The following PXDNL variants were observed in gnomAD, a reference collection of about 807,000 sequenced individuals.
PXDNL encodes peroxidasin like.
PXDNL carries 145 observed loss-of-function variants against 150.8 expected under a neutral mutation model. The ratio of observed to expected loss-of-function variants is 0.96; its 90% CI spans 0.84 to 1.10. The LOEUF (loss-of-function observed/expected upper bound fraction) is 1.10. Among genes scored for constraint, PXDNL ranks in the 50% least tolerant of loss-of-function variants. PXDNL has a pLI of 0.00. For missense variants in PXDNL, 2,087 were observed against 1,873.9 expected (o/e 1.11, Z -2.10); for synonymous variants, 757 against 725.7 (o/e 1.04, Z -0.69).
chr8:51,688,663 C>A (rs1815925666), intron 1 of PXDNL, among the ~76,000 whole-genome samples: 1 of 152,042 alleles, frequency 6.6e-6, no homozygotes, highest in South Asian at 2.1e-4. Flanking sequence ...TTGCAGTTCC[C>A]ATCCTGATGG....
At chr8:51,761,025 A>ATTT (rs71237238) in intron 1 of PXDNL, among the ~76,000 whole-genome samples, 5,831 of 114,342 alleles carry the variant, frequency 0.051, 186 homozygotes, top group Non-Finnish European at 0.072. Context: ...CGCCCGGCTA[A>ATTT]TTTTTTTTTT....
At chr8:51,807,827 C>T (rs2037693688) in intron 1 of PXDNL, among the ~76,000 whole-genome samples, 1 of 152,146 alleles carries the variant, frequency 6.6e-6, no homozygotes, top group Non-Finnish European at 1.5e-5. Context: ...CAAGATACTT[C>T]ATTAGACAAG....
chr8:51,696,733 AGG>A (rs1816143213), intron 1 of PXDNL, among the ~76,000 whole-genome samples: 1 of 152,116 alleles, frequency 6.6e-6, no homozygotes, highest in South Asian at 2.1e-4. Flanking sequence ...ATCCACACAC[AGG>A]TCCACACACA....
intron 1 of PXDNL, among the ~76,000 whole-genome samples, chr8:51,796,702 A>G (rs935043529): frequency 6.6e-6 from 1 of 152,232 alleles, no homozygotes; most frequent in Non-Finnish European, 1.5e-5. Context: ...AACAAAAAAA[A>G]GCCCAGGACC....
In PXDNL at chr8:51,460,722, G is replaced by C. The variant is rs143136447; in HGVS notation, c.813-3055C>G. 1.8e-3 allele frequency among the ~76,000 whole-genome samples: 281 copies of C among 152,050 alleles called. 9 individuals are homozygous for C. The East Asian group carries it at 0.046, about 25-fold the overall frequency. On this transcript the variant is annotated intron_variant, in intron 8 of 22. Coordinates refer to ENST00000356297, the MANE Select transcript of PXDNL (RefSeq NM_144651.5). Reference sequence around the variant, plus strand: ...GACCTCTGGGATCCTAGCTGCAAGAGATCCCACGACCCCCATAGACATTTT... The same window carrying C: ...GACCTCTGGGATCCTAGCTGCAAGACATCCCACGACCCCCATAGACATTTT...
intron 1 of PXDNL, among the ~76,000 whole-genome samples, chr8:51,747,242 G>GAC (rs1198360561): frequency 6.6e-6 from 1 of 152,182 alleles, no homozygotes; most frequent in Non-Finnish European, 1.5e-5. Context: ...GGGTACCACA[G>GAC]ACACACACAC....
At chr8:51,678,595 T>G (rs1334662627) in intron 1 of PXDNL, among the ~76,000 whole-genome samples, 7 of 150,032 alleles carry the variant, frequency 4.7e-5, no homozygotes, top group Non-Finnish European at 1.0e-4. Context: ...GAAATCATCA[T>G]TCTCAGTAAA....
chr8:51,801,783 A>G (rs1477858782), intron 1 of PXDNL, among the ~76,000 whole-genome samples: 4 of 152,220 alleles, frequency 2.6e-5, no homozygotes, highest in Non-Finnish European at 1.5e-5. Context: ...ACTGGTAGGC[A>G]CTAATTTAAT....
chr8:51,385,804 T>G (rs975634527), intron 17 of PXDNL, among the ~76,000 whole-genome samples: 2 of 152,136 alleles, frequency 1.3e-5, no homozygotes, highest in African/African-American at 2.4e-5. Context: ...GAGCTAATGG[T>G]TTTATAAGGG....
chr8:51,782,143 C>A (rs2037421268), intron 1 of PXDNL, among the ~76,000 whole-genome samples: 1 of 152,126 alleles, frequency 6.6e-6, no homozygotes, highest in Admixed American at 6.5e-5. Flanking sequence ...GAGTGCCCAC[C>A]CACAGCCTCC....
intron 13 of PXDNL, 132 bp from the exon 14 acceptor site, chr8:51,423,863 G>T: frequency 1.4e-6 from 1 of 694,740 alleles, no homozygotes; most frequent in Non-Finnish European, 2.2e-6. Context: ...AGTACTGGAG[G>T]AGATACATGA....
chr8:51,450,135 G>A (rs774843844), intron 10 of PXDNL, among the ~76,000 whole-genome samples: 6 of 152,172 alleles, frequency 3.9e-5, no homozygotes, highest in Non-Finnish European at 8.8e-5. Context: ...ACATTGCCAT[G>A]GCATTTGTAA....
At chr8:51,744,757 A>C (rs922565961) in intron 1 of PXDNL, among the ~76,000 whole-genome samples, 1 of 10,346 alleles carries the variant, frequency 9.7e-5, no homozygotes, top group African/African-American at 1.1e-4. Context: ...GAAAAGAGAG[A>C]GAAAGAAGGA....
intron 2 of PXDNL, among the ~76,000 whole-genome samples, chr8:51,652,468 C>CAT (rs1815063239): frequency 2.0e-5 from 3 of 151,690 alleles, no homozygotes; most frequent in Non-Finnish European, 4.4e-5. Flanking sequence ...CACAAACACA[C>CAT]ACACACACAC....
intron 2 of PXDNL, among the ~76,000 whole-genome samples, chr8:51,597,226 C>T (rs983026003): frequency 5.9e-5 from 9 of 152,036 alleles, no homozygotes; most frequent in African/African-American, 1.9e-4. Flanking sequence ...GTGTGTGGCC[C>T]TATTTCAAGT....
chr8:51,431,822 T>C (rs900573203), intron 12 of PXDNL, among the ~76,000 whole-genome samples: 3 of 152,230 alleles, frequency 2.0e-5, no homozygotes, highest in African/African-American at 4.8e-5. Context: ...TCAGCAAGCA[T>C]ACCGATTTAA....
chr8:51,328,630 G>A (rs7010098), intron 21 of PXDNL, among the ~76,000 whole-genome samples: 4,810 of 152,164 alleles, frequency 0.032, 242 homozygotes, highest in African/African-American at 0.11. Context: ...GTAACTTCCC[G>A]AACTAAAATG....
intron 3 of PXDNL, among the ~76,000 whole-genome samples, chr8:51,586,198 A>G (rs969749385): frequency 9.2e-5 from 14 of 152,214 alleles, no homozygotes; most frequent in African/African-American, 3.4e-4. Flanking sequence ...GAAAGCACTC[A>G]TCCCTGACTA....
chr8:51,518,398 A>G (rs186792886), intron 4 of PXDNL, among the ~76,000 whole-genome samples: 1 of 152,320 alleles, frequency 6.6e-6, no homozygotes, highest in Admixed American at 6.5e-5. Flanking sequence ...CAATCACAGC[A>G]TAAAACATAT....
Sources: gnomAD v4.1 joint callset for allele counts (sites outside exome capture counted in the v4.1 genomes callset) on GRCh38, gnomAD v4.1.1 for gene constraint, MANE v1.5 for transcripts, NCBI Gene and HGNC (gene_info 2026-07-23, HGNC 2026-07-21) for gene names.